Variants in UBAP1 observed in about 807,000 individuals in gnomAD.
UBAP1 encodes the protein ubiquitin associated protein 1.
UBAP1 carries 5 observed loss-of-function variants against 39.0 expected under a neutral mutation model. The ratio of observed to expected loss-of-function variants is 0.13; its 90% CI spans 0.07 to 0.27. The LOEUF is 0.27. Ranked by LOEUF, UBAP1 falls within the 10% of genes least tolerant of loss-of-function variation. The pLI is 1.00. For synonymous variants in UBAP1, 211 were observed against 225.1 expected (o/e 0.94, Z 0.56); for missense variants, 490 against 608.1 (o/e 0.81, Z 2.04).
At chr9:34,227,451 A>G (rs1833163129) in intron 2 of UBAP1, among the ~76,000 whole-genome samples, 2 of 152,340 alleles carry the variant, frequency 1.3e-5, no homozygotes, top group South Asian at 2.1e-4. Flanking sequence ...TCTCCTCACA[A>G]TAATACCTGA....
intron 1 of UBAP1, among the ~76,000 whole-genome samples, chr9:34,213,369 G>A (rs747268324): frequency 2.8e-4 from 43 of 152,000 alleles, no homozygotes; most frequent in Non-Finnish European, 5.4e-4. Flanking sequence ...AAATTAGCTC[G>A]GCATGGTGGC....
Position 34,251,585 on chromosome 9 carries a change from G to A in UBAP1, c.*53G>A. On this transcript the variant is annotated 3_prime_UTR_variant, in exon 7 of 7. Transcript: ENST00000297661. ...AGAACCACCATCCCTGGGAGGCCCT[G>A]CAGAGCCCACCTGTGGGGAAAGAGA... 6.3e-7 allele frequency: 1 copy of A among 1,590,346 alleles called. No individual in the cohort carries two copies. The highest frequency in any genetic ancestry group is 8.6e-7 in the Non-Finnish European group (1 of 1,169,480).
chr9:34,201,087 G>A (rs995925988), intron 1 of UBAP1, among the ~76,000 whole-genome samples: 2 of 151,990 alleles, frequency 1.3e-5, no homozygotes, highest in African/African-American at 4.8e-5. Context: ...CTAATTTTTT[G>A]TAGTTTTAGT....
At chr9:34,233,427 G>C (rs1833533258) in intron 2 of UBAP1, among the ~76,000 whole-genome samples, 1 of 151,566 alleles carries the variant, frequency 6.6e-6, no homozygotes, top group Non-Finnish European at 1.5e-5. Context: ...TCACCATGTT[G>C]GTCAGGCTGG....
At chr9:34,194,219 G>A (rs576620421) in intron 1 of UBAP1, among the ~76,000 whole-genome samples, 2 of 152,034 alleles carry the variant, frequency 1.3e-5, no homozygotes, top group East Asian at 1.9e-4. Flanking sequence ...GTTTCATTTT[G>A]TATTCATTTT....
rs1026413388 is a variant in UBAP1 at position 34,197,241 on chromosome 9, A to T, written c.-8+18001A>T. ...GTGCCCGGCCAGTTATTTGTGTTTT[A>T]TTATAGTTCACGGACCTTCTTTAAT... On this transcript the variant is annotated intron_variant, in intron 1 of 6. Coordinates refer to ENST00000297661, the MANE Select transcript of UBAP1 (RefSeq NM_016525.5). 2.0e-5 allele frequency among the ~76,000 whole-genome samples: 3 copies of T among 151,584 alleles called. No individual in the cohort carries two copies. The South Asian group carries it at 6.3e-4, about 32-fold the overall frequency.
chr9:34,181,122 T>C (rs1163457565), intron 1 of UBAP1, among the ~76,000 whole-genome samples: 3 of 114,124 alleles, frequency 2.6e-5, no homozygotes, highest in South Asian at 3.3e-4. Flanking sequence ...TTTTCTTTTT[T>C]TTTTTTTTTT....
chr9:34,226,471 A>G (rs1833114191), intron 2 of UBAP1, among the ~76,000 whole-genome samples: 2 of 152,110 alleles, frequency 1.3e-5, no homozygotes, highest in South Asian at 4.1e-4. Flanking sequence ...TCTTGACCTC[A>G]GGTGATCCAC....
rs190549104 is a variant in UBAP1, at chr9:34,235,397, G to A, written c.159+1057G>A. Among the ~76,000 whole-genome samples, 135 of 151,894 alleles carry A rather than the reference G, an allele frequency of 8.9e-4. 1 individual carries two copies. The East Asian group carries it at 0.02, about 22-fold the overall frequency. The stretch of plus-strand genomic sequence containing the variant: ...TCTGTCGCCCAGGCTGGAGTGCAGC[G>A]GTGCAATCTTGGCTCACTGCAAGCT... On this transcript the variant is annotated intron_variant, in intron 3 of 6. Transcript: ENST00000297661.
chr9:34,207,673 T>TA (rs34183421), intron 1 of UBAP1, among the ~76,000 whole-genome samples: 10 of 150,930 alleles, frequency 6.6e-5, no homozygotes, highest in Admixed American at 1.3e-4. Context: ...TTTTTTTTTT[T>TA]AAAGAGATGG....
At chr9:34,181,771 TA>T (rs1360475221) in intron 1 of UBAP1, among the ~76,000 whole-genome samples, 2 of 148,430 alleles carry the variant, frequency 1.3e-5, no homozygotes, top group Non-Finnish European at 3.0e-5. Context: ...GGAAAAAAAT[TA>T]AACTCTGTAA....
chr9:34,251,591 C>T lies in UBAP1; in HGVS notation c.*59C>T. The T allele has an allele frequency of 6.3e-7, 1 of 1,576,028 alleles. No homozygotes were observed. Among genetic ancestry groups the T allele is most frequent in the South Asian group, 1.1e-5 (1 of 87,624 alleles). Reference sequence around the variant, plus strand: ...ACCATCCCTGGGAGGCCCTGCAGAGCCCACCTGTGGGGAAAGAGAAGGGGC... The same window carrying T: ...ACCATCCCTGGGAGGCCCTGCAGAGTCCACCTGTGGGGAAAGAGAAGGGGC... On this transcript the variant is annotated 3_prime_UTR_variant, in exon 7 of 7. Transcript: ENST00000297661.
At chr9:34,225,439 C>T (rs542627682) in intron 2 of UBAP1, among the ~76,000 whole-genome samples, 13 of 152,128 alleles carry the variant, frequency 8.5e-5, no homozygotes, top group Admixed American at 6.5e-4. Context: ...CCATACCCTT[C>T]GCTTAGTTTG....
chr9:34,249,782 A>G lies in UBAP1; in HGVS notation c.1087A>G (p.Thr363Ala), dbSNP rs1363532320. 6.2e-7 allele frequency: 1 copy of G among 1,612,930 alleles called. No individual in the cohort carries two copies. Among genetic ancestry groups the G allele is most frequent in the Non-Finnish European group, 8.5e-7 (1 of 1,179,522 alleles). Reference protein sequence around the residue: ...SSPPNTGPTVTPPNFSVSQVP... With the variant: ...SSPPNTGPTVAPPNFSVSQVP... ...AATCTTCTTGTTTTTCCACTAGGTC[A>G]CCCCTCCTAATTTCTCAGTGTCACA... The change falls in exon 5 of 7, where the codon ACC becomes GCC. Residue 363 changes from threonine to alanine, a missense_variant. Transcript: ENST00000297661.
intron 1 of UBAP1, among the ~76,000 whole-genome samples, chr9:34,197,011 T>A (rs1243128313): frequency 6.7e-6 from 1 of 150,040 alleles, no homozygotes; most frequent in Admixed American, 6.7e-5. Flanking sequence ...CACTGCAACC[T>A]CCACCTCCTG....
chr9:34,180,364 C>T (rs55662201), intron 1 of UBAP1, among the ~76,000 whole-genome samples: 49,257 of 151,856 alleles, frequency 0.32, 9,794 homozygotes, highest in Non-Finnish European at 0.45. Flanking sequence ...AAAAGCCAGC[C>T]GGGCGTGGTG....
Position 34,224,146 on chromosome 9 carries a change from C to CT in UBAP1, c.34+3207dup, listed in dbSNP as rs995501113. 1,536 of 680,610 alleles carry CT rather than the reference C, an allele frequency of 2.3e-3. 3 individuals are homozygous for CT. The highest frequency in any genetic ancestry group is 5.5e-3 in the Middle Eastern group (17 of 3,088). 42.2% of individuals were successfully genotyped at this position (680,610 alleles called of 1,614,324 possible). ...CCTCCAGGAGACTGCTGATTTTGGC[C>CT]TTTTTTTTTCCTTTCATCGATTTCT... On this transcript the variant is annotated intron_variant, in intron 2 of 6. Coordinates refer to ENST00000297661, the MANE Select transcript of UBAP1 (RefSeq NM_016525.5).
intron 2 of UBAP1, among the ~76,000 whole-genome samples, chr9:34,226,104 A>T (rs1293909401): frequency 5.5e-5 from 2 of 36,508 alleles, no homozygotes; most frequent in South Asian, 7.9e-4. Flanking sequence ...CTCCTACTCT[A>T]TTGTGTGTGT....
intron 4 of UBAP1, among the ~76,000 whole-genome samples, chr9:34,247,222 G>C (rs2131630750): frequency 6.6e-6 from 1 of 152,158 alleles, no homozygotes; most frequent in South Asian, 2.1e-4. Context: ...GGGTCTGCTG[G>C]ATTAGCCTGT....
Sources: gnomAD v4.1 joint callset for allele counts (sites outside exome capture counted in the v4.1 genomes callset) on GRCh38, gnomAD v4.1.1 for gene constraint, MANE v1.5 for transcripts, NCBI Gene and HGNC (gene_info 2026-07-23, HGNC 2026-07-21) for gene names.